The following ZFAND3 variants were observed in gnomAD, a reference collection of about 807,000 sequenced individuals.
The protein encoded by ZFAND3 is AN1-type zinc finger protein 3.
A neutral mutation model predicts 29.6 loss-of-function variants in ZFAND3; 10 were observed. That is an observed-to-expected ratio of 0.34 (90% confidence interval 0.21 to 0.57). The LOEUF (loss-of-function observed/expected upper bound fraction) is 0.57, where lower values mean the gene tolerates loss of function less well. ZFAND3 is among the 20% of genes least tolerant of loss of function. The pLI is 0.86. For synonymous variants in ZFAND3, 128 were observed against 112.6 expected (o/e 1.14, Z -0.87); for missense variants, 230 against 304.5 (o/e 0.76, Z 1.82).
chr6:38,136,222 A>T (rs2127493310), intron 5 of ZFAND3, among the ~76,000 whole-genome samples: 1 of 152,308 alleles, frequency 6.6e-6, no homozygotes, highest in East Asian at 1.9e-4. Context: ...AGGCAGAGCC[A>T]CCTGTACTGT....
intron 5 of ZFAND3, among the ~76,000 whole-genome samples, chr6:38,123,218 T>G (rs1198624818): frequency 6.6e-6 from 1 of 152,216 alleles, no homozygotes; most frequent in Non-Finnish European, 1.5e-5. Context: ...TTGCTGCCAT[T>G]GCAGGGGGCT....
At chr6:37,886,614 T>G (rs182339248) in intron 1 of ZFAND3, among the ~76,000 whole-genome samples, 1 of 152,336 alleles carries the variant, frequency 6.6e-6, no homozygotes, top group East Asian at 1.9e-4. Context: ...GTAAAGCTAT[T>G]AAGAAGGTGG....
At chr6:38,141,558 A>C (rs1364249425) in intron 5 of ZFAND3, among the ~76,000 whole-genome samples, 1 of 152,216 alleles carries the variant, frequency 6.6e-6, no homozygotes, top group African/African-American at 2.4e-5. Context: ...AGAAATTTTT[A>C]CTTAGCTTGT....
intron 1 of ZFAND3, among the ~76,000 whole-genome samples, chr6:37,855,918 G>A (rs574642909): frequency 3.3e-5 from 5 of 151,918 alleles, no homozygotes; most frequent in African/African-American, 9.7e-5. Context: ...GAATGCTGAC[G>A]TTGCATACAA....
At chr6:37,953,441 C>CTTTTTTTTTTTT (rs35182018) in intron 2 of ZFAND3, among the ~76,000 whole-genome samples, 9 of 106,222 alleles carry the variant, frequency 8.5e-5, no homozygotes, top group South Asian at 3.0e-4. Context: ...GCATAATTAT[C>CTTTTTTTTTTTT]TTTTTTTTTT....
At chr6:37,849,794 G>A (rs1346873431) in intron 1 of ZFAND3, among the ~76,000 whole-genome samples, 1 of 152,144 alleles carries the variant, frequency 6.6e-6, no homozygotes, top group East Asian at 1.9e-4. Flanking sequence ...GGCAGCAGAT[G>A]GACTTCCTAG....
At chr6:37,822,607 G>C (rs1330889695) in intron 1 of ZFAND3, among the ~76,000 whole-genome samples, 2 of 152,192 alleles carry the variant, frequency 1.3e-5, no homozygotes, top group Non-Finnish European at 2.9e-5. Flanking sequence ...GGGGCACAGG[G>C]AAGTAAACTG....
chr6:37,891,593 T>TA (rs142117638), intron 1 of ZFAND3, among the ~76,000 whole-genome samples: 19,933 of 130,976 alleles, frequency 0.15, 2,143 homozygotes, highest in African/African-American at 0.31. Flanking sequence ...AATAAATAAA[T>TA]AATAAATAAA....
chr6:37,928,662 G>A (rs181880187), intron 1 of ZFAND3, among the ~76,000 whole-genome samples: 56 of 152,112 alleles, frequency 3.7e-4, no homozygotes, highest in African/African-American at 1.3e-3. Flanking sequence ...CTACAGACGT[G>A]TGCCACCTCT....
At chr6:37,874,580 C>T (rs1328606188) in intron 1 of ZFAND3, among the ~76,000 whole-genome samples, 2 of 151,862 alleles carry the variant, frequency 1.3e-5, no homozygotes, top group Admixed American at 1.3e-4. Context: ...GATTAGGGCC[C>T]ACCCTAATGA....
At chr6:37,914,650 C>A (rs1183927813) in intron 1 of ZFAND3, among the ~76,000 whole-genome samples, 2 of 106,536 alleles carry the variant, frequency 1.9e-5, no homozygotes, top group South Asian at 2.9e-4. Context: ...TATTTTCTTT[C>A]TTTCTTTCTT....
chr6:37,900,427 C>T (rs911905773), intron 1 of ZFAND3, among the ~76,000 whole-genome samples: 5 of 152,138 alleles, frequency 3.3e-5, no homozygotes, highest in Admixed American at 6.5e-5. Context: ...GGTGTTTGAG[C>T]AAACTTCCTT....
chr6:37,870,794 T>G (rs1764682239), intron 1 of ZFAND3, among the ~76,000 whole-genome samples: 1 of 152,264 alleles, frequency 6.6e-6, no homozygotes, highest in Admixed American at 6.5e-5. Context: ...AGTGATCTGC[T>G]TCAGCCTCAC....
At chr6:37,881,008 TAAA>T (rs59495173) in intron 1 of ZFAND3, among the ~76,000 whole-genome samples, 18,868 of 143,450 alleles carry the variant, frequency 0.13, 1,836 homozygotes, top group African/African-American at 0.28. Context: ...ACTTAGAGTA[TAAA>T]AAAAAAAAAA....
intron 2 of ZFAND3, among the ~76,000 whole-genome samples, chr6:38,002,676 A>G (rs1762971368): frequency 6.6e-6 from 1 of 152,114 alleles, no homozygotes; most frequent in South Asian, 2.1e-4. Context: ...AAAAAACAAC[A>G]ACAATAAAAA....
intron 1 of ZFAND3, among the ~76,000 whole-genome samples, chr6:37,927,994 T>TA (rs773211698): frequency 6.6e-6 from 1 of 152,244 alleles, no homozygotes; most frequent in Non-Finnish European, 1.5e-5. Flanking sequence ...CCTGCCACAT[T>TA]ATAGGCATGT....
chr6:37,896,458 A>G (rs6905360), intron 1 of ZFAND3, among the ~76,000 whole-genome samples: 2 of 151,504 alleles, frequency 1.3e-5, no homozygotes, highest in African/African-American at 4.8e-5. Context: ...TTTTGTTTAC[A>G]TTCTTTGTAT....
At chr6:37,840,218 C>T (rs1396886312) in intron 1 of ZFAND3, among the ~76,000 whole-genome samples, 2 of 152,084 alleles carry the variant, frequency 1.3e-5, no homozygotes, top group Non-Finnish European at 2.9e-5. Context: ...CTGCCTCAGC[C>T]CCCAAAATAG....
chr6:38,072,136 TTCTCTC>T (rs56193979), intron 3 of ZFAND3, among the ~76,000 whole-genome samples: 9,869 of 131,114 alleles, frequency 0.075, 375 homozygotes, highest in Non-Finnish European at 0.11. Flanking sequence ...CATTTTCTGT[TTCTCTC>T]TCTCTCTCTC....
Sources: gnomAD v4.1 joint callset for allele counts (sites outside exome capture counted in the v4.1 genomes callset) on GRCh38, gnomAD v4.1.1 for gene constraint, MANE v1.5 for transcripts, NCBI Gene and HGNC (gene_info 2026-07-23, HGNC 2026-07-21) for gene names.